The following DSCAM variants were observed in gnomAD, a reference collection of about 807,000 sequenced individuals.
DSCAM encodes DS cell adhesion molecule.
In DSCAM, 47 loss-of-function variants were observed where a neutral mutation model predicts 217.7. That is an observed-to-expected ratio of 0.22 (90% CI 0.17 to 0.28). The LOEUF (loss-of-function observed/expected upper bound fraction) is 0.28, where lower values mean the gene tolerates loss of function less well. Ranked by LOEUF, DSCAM falls within the 10% of genes least tolerant of loss-of-function variation. DSCAM has a pLI of 1.00. For missense variants in DSCAM, 2,080 were observed against 2,618.3 expected, an observed-to-expected ratio of 0.79 and a Z score of 4.49; for synonymous variants, 1,056 against 1,015.3, an observed-to-expected ratio of 1.04 and a Z score of -0.76.
chr21:40,213,419 A>T (rs1376533171), intron 11 of DSCAM, among the ~76,000 whole-genome samples: 1 of 152,186 alleles, frequency 6.6e-6, no homozygotes, highest in Non-Finnish European at 1.5e-5. Context: ...GCATGAATAA[A>T]CAGCTTTAGA....
chr21:40,261,648 TCTCTAC>T (rs1214255937), intron 11 of DSCAM, among the ~76,000 whole-genome samples: 1 of 97,106 alleles, frequency 1.0e-5, no homozygotes, highest in Non-Finnish European at 2.1e-5. Flanking sequence ...TCTCTCTCTC[TCTCTAC>T]ACACACACAC....
intron 3 of DSCAM, among the ~76,000 whole-genome samples, chr21:40,653,061 C>T (rs181082415): frequency 4.6e-5 from 7 of 152,324 alleles, no homozygotes; most frequent in South Asian, 4.1e-4. Flanking sequence ...TATAGGTCTC[C>T]GGGAAAGACA....
intron 3 of DSCAM, among the ~76,000 whole-genome samples, chr21:40,446,658 T>A (rs1443649019): frequency 6.6e-6 from 1 of 152,152 alleles, no homozygotes; most frequent in Non-Finnish European, 1.5e-5. Flanking sequence ...AGTCTCAAAG[T>A]GAATTTCATT....
chr21:40,014,638 A>T (rs1294037529), intron 32 of DSCAM, among the ~76,000 whole-genome samples: 5 of 152,062 alleles, frequency 3.3e-5, no homozygotes, highest in African/African-American at 4.8e-5. Flanking sequence ...ACGTGCCTCC[A>T]ACCAATCCCT....
intron 1 of DSCAM, among the ~76,000 whole-genome samples, chr21:40,810,471 A>G (rs2091828371): frequency 6.6e-6 from 1 of 152,198 alleles, no homozygotes; most frequent in Non-Finnish European, 1.5e-5. Flanking sequence ...CAGGAACACA[A>G]GAAGGTTGGG....
intron 11 of DSCAM, among the ~76,000 whole-genome samples, chr21:40,251,607 G>A (rs2073305634): frequency 6.6e-6 from 1 of 152,186 alleles, no homozygotes; most frequent in African/African-American, 2.4e-5. Flanking sequence ...GGAGCTGACA[G>A]TTCCTAAGAA....
chr21:40,655,446 C>CTT lies in DSCAM; in HGVS notation c.508+37362_508+37363dup, dbSNP rs376852214. ...ATTGTGCTCCCTTCAATCTGTCTCTCTTTTTTTTTTTTTTGAGACAGGGTC... is the reference window on the plus strand; with the variant it reads ...ATTGTGCTCCCTTCAATCTGTCTCTCTTTTTTTTTTTTTTTTGAGACAGGGTC... On this transcript the variant is annotated intron_variant, in intron 3 of 32. Transcript: ENST00000400454. Among the ~76,000 whole-genome samples, 237 of 138,868 alleles carry CTT rather than the reference C, an allele frequency of 1.7e-3. 5 individuals carry two copies. In the East Asian group the frequency reaches 0.024, roughly 14 times the overall value. 91.1% of individuals were successfully genotyped at this position (138,868 alleles called of 152,430 possible).
chr21:40,800,590 T>C (rs1011076697), intron 1 of DSCAM, among the ~76,000 whole-genome samples: 5 of 152,190 alleles, frequency 3.3e-5, no homozygotes, highest in Admixed American at 6.5e-5. Context: ...CCATTCTTCC[T>C]ATAAATTGGC....
chr21:40,230,475 G>T (rs755741251), intron 11 of DSCAM, among the ~76,000 whole-genome samples: 1 of 152,060 alleles, frequency 6.6e-6, no homozygotes, highest in Non-Finnish European at 1.5e-5. Flanking sequence ...TTTTAAAGTC[G>T]ATGGGACCAG....
chr21:40,686,161 T>TCACACACACACACATACAGAG lies in DSCAM; in HGVS notation c.508+6628_508+6648dup, dbSNP rs1030553658. Among the ~76,000 whole-genome samples the TCACACACACACACATACAGAG allele has an allele frequency of 8.1e-5, 11 of 136,292 alleles. No individual in the cohort carries two copies. The South Asian group carries it at 2.4e-3, about 30-fold the overall frequency. The allele number at this position is 136,292 out of a possible 152,430, so 89.4% of individuals were successfully genotyped here. A position where few individuals can be genotyped will look rare whatever the true frequency, so the allele number is the denominator to read the frequency against. ...ACATCACACACACCCCCTGCATATATCACACACACACACATACAGAGCACA... is the reference window on the plus strand; with the variant it reads ...ACATCACACACACCCCCTGCATATATCACACACACACACATACAGAGCACACACACACACATACAGAGCACA... On this transcript the variant is annotated intron_variant, in intron 3 of 32. Coordinates refer to ENST00000400454, the MANE Select transcript of DSCAM (RefSeq NM_001389.5).
At chr21:40,202,374 C>A (rs927011548) in intron 11 of DSCAM, among the ~76,000 whole-genome samples, 1 of 152,194 alleles carries the variant, frequency 6.6e-6, no homozygotes, top group Non-Finnish European at 1.5e-5. Context: ...ATCATCATCC[C>A]CATTAGCACT....
At chr21:40,591,008 T>C (rs2076980202) in intron 3 of DSCAM, among the ~76,000 whole-genome samples, 1 of 152,166 alleles carries the variant, frequency 6.6e-6, no homozygotes, top group African/African-American at 2.4e-5. Flanking sequence ...ATAATCCCCA[T>C]GTGTCAAGGG....
intron 1 of DSCAM, among the ~76,000 whole-genome samples, chr21:40,784,427 T>A (rs1412346315): frequency 1.3e-5 from 2 of 152,234 alleles, no homozygotes; most frequent in Non-Finnish European, 2.9e-5. Context: ...CTATTAAACC[T>A]CTTTTTTCTT....
chr21:40,154,946 A>G (rs745776837), intron 16 of DSCAM, among the ~76,000 whole-genome samples: 7 of 152,206 alleles, frequency 4.6e-5, no homozygotes, highest in Admixed American at 6.5e-5. Flanking sequence ...GCCTTGAGAC[A>G]CAAATGCAGA....
intron 4 of DSCAM, among the ~76,000 whole-genome samples, chr21:40,356,857 A>C (rs1419810353): frequency 6.6e-6 from 1 of 152,238 alleles, no homozygotes; most frequent in Non-Finnish European, 1.5e-5. Context: ...TTCCGTAGTC[A>C]GCCACTGAGG....
At chr21:40,821,742 C>A (rs986111342) in intron 1 of DSCAM, among the ~76,000 whole-genome samples, 1 of 151,968 alleles carries the variant, frequency 6.6e-6, no homozygotes. Flanking sequence ...TTATCCTTAG[C>A]AAACTAGTGC....
intron 11 of DSCAM, among the ~76,000 whole-genome samples, chr21:40,260,551 G>A (rs1352665160): frequency 6.6e-6 from 1 of 152,162 alleles, no homozygotes; most frequent in Non-Finnish European, 1.5e-5. Context: ...CCCTGCAGAG[G>A]GTCACACCTG....
In DSCAM at chr21:40,171,637, C is replaced by T. The variant is rs111628392; in HGVS notation, c.2948-4349G>A. Among the ~76,000 whole-genome samples the T allele has an allele frequency of 4.7e-3, 709 of 151,084 alleles. 2 individuals are homozygous for T. The highest frequency in any genetic ancestry group is 8.5e-3 in the Non-Finnish European group (576 of 67,868). On this transcript the variant is annotated intron_variant, in intron 15 of 32. Transcript: ENST00000400454. ...AAATAATTTAATTTGTACAAACACACAATAGGGCTATGTCCAATATCATTA... is the reference window on the plus strand; with the variant it reads ...AAATAATTTAATTTGTACAAACACATAATAGGGCTATGTCCAATATCATTA...
chr21:40,314,454 T>C (rs1239710100), intron 8 of DSCAM, among the ~76,000 whole-genome samples: 3 of 152,232 alleles, frequency 2.0e-5, no homozygotes, highest in Non-Finnish European at 2.9e-5. Flanking sequence ...GATGAGATTC[T>C]ATCCAGTGCT....
Sources: allele counts gnomAD v4.1 joint callset (sites outside exome capture counted in the v4.1 genomes callset), GRCh38; gene constraint gnomAD v4.1.1; transcripts MANE v1.5; gene names NCBI Gene and HGNC (gene_info 2026-07-23, HGNC 2026-07-21).